Variants in GABPB1 observed in about 807,000 individuals in gnomAD.
GABPB1 encodes GA-binding protein subunit beta-1.
In GABPB1, 15 loss-of-function variants were observed where a neutral mutation model predicts 45.9. That is an observed-to-expected ratio of 0.33 (90% CI 0.22 to 0.50). GABPB1 has a LOEUF of 0.50. Ranked by LOEUF, GABPB1 falls within the 20% of genes least tolerant of loss-of-function variation. The pLI, the probability that GABPB1 is intolerant of heterozygous loss-of-function variation, is 0.98. For missense variants in GABPB1, 252 were observed against 457.5 expected (o/e 0.55, Z 4.10); for synonymous variants, 143 against 154.4 (o/e 0.93, Z 0.55).
chr15:50,347,354 G>A (rs944328174), intron 1 of GABPB1: 1 of 151,788 alleles, frequency 6.6e-6, no homozygotes, highest in Non-Finnish European at 1.5e-5. Context: ...AGGGCACAAA[G>A]GAAATTTTTT....
At chr15:50,298,985 A>T (rs1483595962) in intron 6 of GABPB1, among the ~76,000 whole-genome samples, 1 of 151,768 alleles carries the variant, frequency 6.6e-6, no homozygotes, top group African/African-American at 2.4e-5. Context: ...AAAGAAAAGA[A>T]AAAGAGAAAA....
At chr15:50,329,225 T>C (rs2047871696) in intron 1 of GABPB1, among the ~76,000 whole-genome samples, 1 of 152,166 alleles carries the variant, frequency 6.6e-6, no homozygotes, top group African/African-American at 2.4e-5. Context: ...AGCTCACATC[T>C]ACCAAGATGA....
At chr15:50,282,367 T>C (rs1037460497) in intron 8 of GABPB1, 1 of 438,780 alleles carries the variant, frequency 2.3e-6, no homozygotes, top group Non-Finnish European at 4.5e-6. Flanking sequence ...AAGACCAGCC[T>C]GGGCAACATA....
At chr15:50,302,400 T>A (rs982404782) in intron 4 of GABPB1, among the ~76,000 whole-genome samples, 5 of 152,110 alleles carry the variant, frequency 3.3e-5, no homozygotes, top group African/African-American at 1.2e-4. Flanking sequence ...CCCAGCACTT[T>A]GGGAGGCCGA....
intron 1 of GABPB1, among the ~76,000 whole-genome samples, chr15:50,348,042 G>GAAAAAAAAAAA (rs2048662425): frequency 8.1e-5 from 2 of 24,770 alleles, no homozygotes; most frequent in African/African-American, 1.1e-3. Flanking sequence ...AACTCCATCT[G>GAAAAAAAAAAA]GAAAAAAAAA....
At chr15:50,332,813 T>C (rs1243524127) in intron 1 of GABPB1, among the ~76,000 whole-genome samples, 1 of 152,134 alleles carries the variant, frequency 6.6e-6, no homozygotes, top group African/African-American at 2.4e-5. Context: ...ACTCTACCTA[T>C]CCTACTTGTT....
chr15:50,307,881 A>G (rs1388643278), intron 2 of GABPB1, among the ~76,000 whole-genome samples: 1 of 152,116 alleles, frequency 6.6e-6, no homozygotes, highest in Non-Finnish European at 1.5e-5. Flanking sequence ...GAATTATTTC[A>G]TCCCTATTTT....
Position 50,289,671 on chromosome 15 carries a change from G to GA in GABPB1, c.698-4_698-3insT. The GA allele has an allele frequency of 6.4e-7, 1 of 1,570,568 alleles. No homozygotes were observed. Among genetic ancestry groups the GA allele is most frequent in the Non-Finnish European group, 8.6e-7 (1 of 1,164,112 alleles). The stretch of plus-strand genomic sequence containing the variant: ...AACTACTTCTTCTGTGGCCACTACT[G>GA]GAAAAAAAAAAAAGAAAACTCAGCA... On this transcript the variant is annotated splice_polypyrimidine_tract_variant and splice_region_variant and intron_variant, in intron 6 of 8. Transcript: ENST00000380877.
rs58917796 is a variant in GABPB1, at chr15:50,276,763, CAT to C, written c.*1867_*1868del. ...CTGGCCCTTCTCTGCTCCAGCACCA[CAT>C]GTCAGGGTACCTGGCTGTGGTACCA... On this transcript the variant is annotated 3_prime_UTR_variant, in exon 9 of 9. Coordinates refer to ENST00000380877, the MANE Select transcript of GABPB1 (RefSeq NM_016654.5). The C allele has an allele frequency of 0.52, 78,572 of 151,980 alleles. 21,973 individuals carry two copies. The highest frequency in any genetic ancestry group is 0.68 in the Middle Eastern group (202 of 296). The allele number at this position is 151,980 out of a possible 1,614,324, so 9.4% of individuals were successfully genotyped here.
intron 1 of GABPB1, chr15:50,351,915 G>A (rs1322134067): frequency 3.3e-5 from 5 of 152,286 alleles, no homozygotes; most frequent in Admixed American, 2.6e-4. Context: ...CAGAGCTATA[G>A]AAACATTGTG....
At chr15:50,325,132 T>C (rs1045780873) in intron 1 of GABPB1, among the ~76,000 whole-genome samples, 2 of 152,146 alleles carry the variant, frequency 1.3e-5, no homozygotes, top group African/African-American at 2.4e-5. Context: ...GTGAAGTCAG[T>C]ACAGGATGAA....
chr15:50,328,637 C>T (rs1421111332), intron 1 of GABPB1, among the ~76,000 whole-genome samples: 1 of 152,102 alleles, frequency 6.6e-6, no homozygotes, highest in African/African-American at 2.4e-5. Context: ...CTAATCCTTC[C>T]AATGTAAAGT....
chr15:50,300,351 G>T (rs1010698503), intron 6 of GABPB1, among the ~76,000 whole-genome samples: 2 of 151,056 alleles, frequency 1.3e-5, no homozygotes, highest in African/African-American at 4.9e-5. Context: ...CCATTCTTCA[G>T]CCGGGTGTAA....
At chr15:50,302,643 C>CA (rs60408137) in intron 4 of GABPB1, among the ~76,000 whole-genome samples, 3,522 of 61,892 alleles carry the variant, frequency 0.057, 644 homozygotes, top group African/African-American at 0.12. Context: ...GACTCTGGCT[C>CA]AAAAAAAAAA....
chr15:50,327,160 T>C (rs1192406626), intron 1 of GABPB1: 1 of 152,198 alleles, frequency 6.6e-6, no homozygotes, highest in Non-Finnish European at 1.5e-5. Context: ...AGCCAGTAGA[T>C]GCCTTTGATT....
At position 50,340,899 on chromosome 15, in the gene GABPB1, GGTTTATTACCATATGTAATATTACATATT is replaced by G. The variant is rs1488219504; in HGVS notation, c.-1+14057_-1+14085del. Among the ~76,000 whole-genome samples the G allele has an allele frequency of 3.2e-5, 3 of 92,688 alleles. 1 individual carries two copies. 60.8% of individuals were successfully genotyped at this position (92,688 alleles called of 152,430 possible). ...ATATGTAATATTACATATTACATAT[GGTTTATTACCATATGTAATATTACATATT>G]ACATATGGTTTATTACCATATGTAA... On this transcript the variant is annotated intron_variant, in intron 1 of 8. Transcript: ENST00000380877.
At chr15:50,292,307 T>A (rs1595744913) in intron 6 of GABPB1, among the ~76,000 whole-genome samples, 2 of 107,504 alleles carry the variant, frequency 1.9e-5, no homozygotes, top group African/African-American at 4.2e-5. Flanking sequence ...AGAGTGAGAC[T>A]CCATCTCAAA....
At chr15:50,340,877 TG>T (rs2048336014) in intron 1 of GABPB1, among the ~76,000 whole-genome samples, 1 of 62,298 alleles carries the variant, frequency 1.6e-5, no homozygotes, top group Non-Finnish European at 3.1e-5. Context: ...TATTACCATA[TG>T]TAATATTACA....
chr15:50,354,770 C>A (rs915181254), intron 1 of GABPB1: 3 of 249,226 alleles, frequency 1.2e-5, no homozygotes, highest in African/African-American at 2.4e-5. Context: ...GCCCAGCGGA[C>A]AAAGCGCAGC....
Sources: allele counts gnomAD v4.1 joint callset (sites outside exome capture counted in the v4.1 genomes callset), GRCh38; gene constraint gnomAD v4.1.1; transcripts MANE v1.5; gene names NCBI Gene and HGNC (gene_info 2026-07-23, HGNC 2026-07-21).